SGK1: variants seen among roughly 807,000 people sequenced by gnomAD.
The protein encoded by SGK1 is serine/threonine-protein kinase Sgk1.
SGK1 carries 26 observed loss-of-function variants against 64.2 expected under a neutral mutation model. The observed-to-expected ratio is 0.40, with a 90% CI of 0.30 to 0.56. SGK1 has a LOEUF of 0.56. Ranked by LOEUF, SGK1 falls within the 20% of genes least tolerant of loss-of-function variation. SGK1 has a pLI of 0.38. For synonymous variants in SGK1, 265 were observed against 239.7 expected, an observed-to-expected ratio of 1.11 and a Z score of -0.98; for missense variants, 519 against 645.6, an observed-to-expected ratio of 0.80 and a Z score of 2.12.
chr6:134,173,009 T>TC lies in SGK1; in HGVS notation c.834+13dup, dbSNP rs1202302774. 2 of 1,603,196 alleles carry TC rather than the reference T, an allele frequency of 1.2e-6. No individual in the cohort carries two copies. The highest frequency in any genetic ancestry group is 4.5e-5 in the East Asian group (2 of 44,664). ...CAGAGACACTAAGAGTTGACTTCTATCCCCCCTGCTCACCTCTCCACCATT... is the reference window on the plus strand; with the variant it reads ...CAGAGACACTAAGAGTTGACTTCTATCCCCCCCTGCTCACCTCTCCACCATT... On this transcript the variant is annotated intron_variant, in intron 8 of 13. Coordinates refer to ENST00000367858, the MANE Select transcript of SGK1 (RefSeq NM_001143676.3).
At position 134,255,574 on chromosome 6, in the gene SGK1, ATT is replaced by A. The variant is rs11318242; in HGVS notation, c.285+6357_285+6358del. On this transcript the variant is annotated intron_variant, in intron 2 of 13. Coordinates refer to ENST00000367858, the MANE Select transcript of SGK1 (RefSeq NM_001143676.3). Reference sequence around the variant, plus strand: ...AAACAAACAAAGGCAAGAGATTTTGATTTTTTTTTTTTTTTTTTTTTTTTGAG... The same window carrying A: ...AAACAAACAAAGGCAAGAGATTTTGATTTTTTTTTTTTTTTTTTTTTTGAG... 8.9e-3 allele frequency among the ~76,000 whole-genome samples: 701 copies of A among 78,836 alleles called. 2 individuals carry two copies. The highest frequency in any genetic ancestry group is 0.049 in the South Asian group (88 of 1,788). 51.7% of individuals were successfully genotyped at this position (78,836 alleles called of 152,430 possible).
intron 2 of SGK1, among the ~76,000 whole-genome samples, chr6:134,213,620 AAATAAATAAATAAATAAATAAAT>A (rs1411733862): frequency 2.2e-4 from 29 of 133,766 alleles, no homozygotes; most frequent in Middle Eastern, 7.2e-3. Flanking sequence ...GTCTCAAAAT[AAATAAATAAATAAATAAATAAAT>A]AATAAATAAA....
At chr6:134,206,371 ATATATATATATATTTTTTTT>A (rs1364779156) in intron 3 of SGK1, among the ~76,000 whole-genome samples, 1 of 4,974 alleles carries the variant, frequency 2.0e-4, no homozygotes, top group African/African-American at 4.9e-4. Flanking sequence ...ATATATATAT[ATATATATATATATTTTTTTT>A]TTTTTTTTTT....
At chr6:134,271,721 C>A (rs1776942518) in intron 1 of SGK1, among the ~76,000 whole-genome samples, 1 of 147,986 alleles carries the variant, frequency 6.8e-6, no homozygotes, top group Non-Finnish European at 1.5e-5. Flanking sequence ...GGAATTAAGC[C>A]TAGTACCCAA....
chr6:134,265,636 A>C (rs1464884148), intron 1 of SGK1, among the ~76,000 whole-genome samples: 1 of 146,706 alleles, frequency 6.8e-6, no homozygotes, highest in Admixed American at 6.9e-5. Flanking sequence ...ATATATACAT[A>C]TATATATACA....
intron 2 of SGK1, chr6:134,249,307 A>G (rs1248368866): frequency 6.6e-6 from 1 of 152,240 alleles, no homozygotes; most frequent in Non-Finnish European, 1.5e-5. Flanking sequence ...ATTGTTTTAA[A>G]TGCCTTGTGA....
At chr6:134,235,675 G>A (rs1299788401) in intron 2 of SGK1, among the ~76,000 whole-genome samples, 1 of 151,758 alleles carries the variant, frequency 6.6e-6, no homozygotes, top group African/African-American at 2.4e-5. Context: ...GGGTTCAAGT[G>A]ATTCTCCTGC....
intron 2 of SGK1, among the ~76,000 whole-genome samples, chr6:134,218,437 C>CTTTTTTTTTTTTTTTTTTT (rs71003680): frequency 7.7e-6 from 1 of 129,182 alleles, no homozygotes. Flanking sequence ...TTCTTTTTTT[C>CTTTTTTTTTTTTTTTTTTT]TTTTTTTTTT....
chr6:134,315,739 G>A (rs1303865655), intron 1 of SGK1, among the ~76,000 whole-genome samples: 1 of 152,054 alleles, frequency 6.6e-6, no homozygotes, highest in Non-Finnish European at 1.5e-5. Context: ...CAAAACATTT[G>A]TTTATTATTG....
chr6:134,207,450 A>G lies in SGK1; in HGVS notation c.286-19T>C. ...CTCTCACCTTTAAAACATAAAGAGAAAAGAAGTGATATAAAAATGGCTTCA... is the reference window on the plus strand; with the variant it reads ...CTCTCACCTTTAAAACATAAAGAGAGAAGAAGTGATATAAAAATGGCTTCA... On this transcript the variant is annotated intron_variant, in intron 2 of 13. Transcript: ENST00000367858. The G allele has an allele frequency of 6.4e-7, 1 of 1,563,174 alleles. No individual in the cohort carries two copies. Among genetic ancestry groups the G allele is most frequent in the Non-Finnish European group, 8.8e-7 (1 of 1,135,604 alleles).
At chr6:134,251,936 T>G (rs1467698310) in intron 2 of SGK1, among the ~76,000 whole-genome samples, 1 of 152,146 alleles carries the variant, frequency 6.6e-6, no homozygotes, top group Non-Finnish European at 1.5e-5. Context: ...TAAAATTTTC[T>G]GTAGTGATGG....
chr6:134,297,735 T>A (rs1777382170), intron 1 of SGK1: 1 of 466,476 alleles, frequency 2.1e-6, no homozygotes. Context: ...ACTTCTGACC[T>A]CGTGATCAGC....
At chr6:134,310,473 C>T (rs944973270) in intron 1 of SGK1, among the ~76,000 whole-genome samples, 1 of 152,244 alleles carries the variant, frequency 6.6e-6, no homozygotes, top group Non-Finnish European at 1.5e-5. Context: ...ATCCGTCTTA[C>T]TCACACTCTG....
chr6:134,266,769 TAA>T (rs1362653390), intron 1 of SGK1, among the ~76,000 whole-genome samples: 1 of 152,238 alleles, frequency 6.6e-6, no homozygotes, highest in Admixed American at 6.5e-5. Context: ...AATGAAACTT[TAA>T]AAGTTTGAGA....
chr6:134,315,251 T>TG (rs138166798), intron 1 of SGK1, among the ~76,000 whole-genome samples: 2,217 of 152,254 alleles, frequency 0.015, 50 homozygotes, highest in African/African-American at 0.051. Flanking sequence ...TTCAATGACT[T>TG]GATACAAGGT....
chr6:134,172,711 C>G lies in SGK1; in HGVS notation c.898G>C (p.Glu300Gln). 6.2e-7 allele frequency: 1 copy of G among 1,614,156 alleles called. No homozygotes were observed. Among genetic ancestry groups the G allele is most frequent in the East Asian group, 2.2e-5 (1 of 44,888 alleles). ...LEPRARFYAA[E>Q]IASALGYLHS... Reference sequence around the variant, plus strand: ...AGGTAGCCCAAGGCACTGGCTATTTCAGCAGCATAGAAACGAGCCCGTGGT... The same window carrying G: ...AGGTAGCCCAAGGCACTGGCTATTTGAGCAGCATAGAAACGAGCCCGTGGT... Residue 300 changes from glutamate (E) to glutamine (Q), a missense_variant, in exon 9 of 14, where the codon GAA (glutamate) becomes CAA (glutamine). Around this residue, in one of 2 missense-constraint regions of SGK1, gnomAD observed 278 missense variants for 408.7 expected, o/e 0.68. Coordinates refer to ENST00000367858, the MANE Select transcript of SGK1 (RefSeq NM_001143676.3).
At chr6:134,250,521 T>C (rs978212967) in intron 2 of SGK1, among the ~76,000 whole-genome samples, 1 of 152,220 alleles carries the variant, frequency 6.6e-6, no homozygotes, top group African/African-American at 2.4e-5. Context: ...TTATTTATCC[T>C]GAACACTATG....
intron 2 of SGK1, among the ~76,000 whole-genome samples, chr6:134,212,042 T>TTTG (rs1223998009): frequency 1.1e-5 from 1 of 91,252 alleles, no homozygotes; most frequent in African/African-American, 3.7e-5. Context: ...TTCCTGTTTT[T>TTTG]TTGTTTTTTG....
chr6:134,234,186 G>C (rs1776330090), intron 2 of SGK1, among the ~76,000 whole-genome samples: 1 of 152,232 alleles, frequency 6.6e-6, no homozygotes, highest in African/African-American at 2.4e-5. Context: ...GATCACCTGA[G>C]TGATCAGAAG....
Sources: allele counts gnomAD v4.1 joint callset (sites outside exome capture counted in the v4.1 genomes callset), GRCh38; gene constraint gnomAD v4.1.1; regional missense constraint gnomAD v4.1.1; transcripts MANE v1.5; gene names NCBI Gene and HGNC (gene_info 2026-07-23, HGNC 2026-07-21).